Variants in LRRTM4 observed in about 807,000 individuals in gnomAD.
LRRTM4 encodes leucine-rich repeat transmembrane neuronal protein 4.
A neutral mutation model predicts 47.6 loss-of-function variants in LRRTM4; 25 were observed. The ratio of observed to expected loss-of-function variants is 0.53; its 90% confidence interval spans 0.38 to 0.73. The LOEUF is 0.73. Ranked by LOEUF, LRRTM4 falls within the 30% of genes least tolerant of loss-of-function variation. The probability of loss-of-function intolerance (pLI) is 0.00; values close to 1 mark genes in which losing one functional copy is unlikely to be tolerated. For synonymous variants in LRRTM4, 311 were observed against 269.5 expected (o/e 1.15, Z -1.51); for missense variants, 638 against 713.4 (o/e 0.89, Z 1.20).
intron 3 of LRRTM4, among the ~76,000 whole-genome samples, chr2:77,454,864 C>T (rs1169316565): frequency 2.0e-5 from 3 of 152,118 alleles, no homozygotes; most frequent in Non-Finnish European, 2.9e-5. Flanking sequence ...AATCTAAAAG[C>T]TGCCCCCCCT....
intron 3 of LRRTM4, among the ~76,000 whole-genome samples, chr2:76,893,881 A>G (rs930251423): frequency 1.3e-5 from 2 of 151,898 alleles, no homozygotes; most frequent in African/African-American, 4.8e-5. Flanking sequence ...TTATTTGTAC[A>G]TGTCTCATAT....
chr2:76,859,687 C>G (rs1459485468), intron 3 of LRRTM4, among the ~76,000 whole-genome samples: 1 of 151,980 alleles, frequency 6.6e-6, no homozygotes, highest in Non-Finnish European at 1.5e-5. Flanking sequence ...CTTGGAAAAC[C>G]AATGATAATT....
intron 3 of LRRTM4, among the ~76,000 whole-genome samples, chr2:76,797,879 A>T (rs1219365776): frequency 1.3e-5 from 2 of 151,842 alleles, no homozygotes; most frequent in African/African-American, 2.4e-5. Flanking sequence ...AGGCCATTAC[A>T]TGATGGTAAA....
intron 3 of LRRTM4, among the ~76,000 whole-genome samples, chr2:77,226,012 T>C (rs935518255): frequency 6.6e-6 from 1 of 151,866 alleles, no homozygotes; most frequent in Non-Finnish European, 1.5e-5. Flanking sequence ...GTACATGTTT[T>C]ATTTAATATT....
intron 3 of LRRTM4, among the ~76,000 whole-genome samples, chr2:76,953,522 A>G (rs1573362189): frequency 6.6e-6 from 1 of 152,004 alleles, no homozygotes; most frequent in East Asian, 2.0e-4. Context: ...AGAAGAGTAG[A>G]ACATACATCA....
At chr2:77,423,508 C>G (rs1674985017) in intron 3 of LRRTM4, among the ~76,000 whole-genome samples, 1 of 152,012 alleles carries the variant, frequency 6.6e-6, no homozygotes, top group Non-Finnish European at 1.5e-5. Flanking sequence ...AAGTTCAGGG[C>G]TAGTAGCATG....
intron 3 of LRRTM4, among the ~76,000 whole-genome samples, chr2:76,795,974 G>A (rs139362748): frequency 0.019 from 2,807 of 146,514 alleles, 106 homozygotes; most frequent in African/African-American, 0.063. Context: ...TGTGCGAGCC[G>A]AAGCAGGGCG....
At chr2:76,815,690 T>G (rs1236140584) in intron 3 of LRRTM4, among the ~76,000 whole-genome samples, 1 of 152,090 alleles carries the variant, frequency 6.6e-6, no homozygotes, top group Non-Finnish European at 1.5e-5. Context: ...CTGGGCAATA[T>G]CAGATTGCTT....
chr2:76,764,184 A>G (rs1673365856), intron 3 of LRRTM4, among the ~76,000 whole-genome samples: 1 of 152,228 alleles, frequency 6.6e-6, no homozygotes, highest in Admixed American at 6.5e-5. Context: ...ACATGAATTG[A>G]AGAAGAAATT....
intron 3 of LRRTM4, among the ~76,000 whole-genome samples, chr2:77,455,177 G>A (rs1676476273): frequency 6.6e-6 from 1 of 152,284 alleles, no homozygotes; most frequent in East Asian, 1.9e-4. Context: ...GACAGAGCAA[G>A]ACTCTGTCTC....
At chr2:77,462,334 G>A (rs566223751) in intron 3 of LRRTM4, among the ~76,000 whole-genome samples, 3 of 152,164 alleles carry the variant, frequency 2.0e-5, no homozygotes, top group East Asian at 3.9e-4. Context: ...TGTTGCTAAC[G>A]AAAGGCAATT....
At chr2:77,071,595 G>A (rs550481606) in intron 3 of LRRTM4, among the ~76,000 whole-genome samples, 2 of 152,060 alleles carry the variant, frequency 1.3e-5, no homozygotes, top group South Asian at 2.1e-4. Context: ...AAAGAGAAAC[G>A]GAGATTTATT....
rs576943092 is a variant in LRRTM4, at chr2:76,749,007, C to T, written c.1552-91G>A. On this transcript the variant is annotated intron_variant, in intron 3 of 3. Coordinates refer to ENST00000409884, the MANE Select transcript of LRRTM4 (RefSeq NM_001134745.3). ...ATCAGGTTGTATTTTTGTTCTCTTT[C>T]ATGCTGTTTCAAGTCATCAGCTACA... 80 of 1,003,168 alleles carry T rather than the reference C, an allele frequency of 8.0e-5. 1 individual carries two copies. In the African/African-American group the frequency reaches 1.2e-3, roughly 15 times the overall value. The allele number at this position is 1,003,168 out of a possible 1,614,324, so 62.1% of individuals were successfully genotyped here. A position where few individuals can be genotyped will look rare whatever the true frequency, so the allele number is the denominator to read the frequency against.
intron 3 of LRRTM4, among the ~76,000 whole-genome samples, chr2:76,942,990 A>G (rs78123651): frequency 0.058 from 8,889 of 152,152 alleles, 607 homozygotes; most frequent in African/African-American, 0.15. Flanking sequence ...TTCCCTTTCT[A>G]TACAAAAGAA....
chr2:77,016,811 G>A (rs537700001), intron 3 of LRRTM4, among the ~76,000 whole-genome samples: 4 of 151,784 alleles, frequency 2.6e-5, no homozygotes, highest in South Asian at 2.1e-4. Flanking sequence ...AACATTTGCC[G>A]CCTCTGGCTG....
At chr2:76,996,466 T>C (rs1195989899) in intron 3 of LRRTM4, among the ~76,000 whole-genome samples, 1 of 152,132 alleles carries the variant, frequency 6.6e-6, no homozygotes, top group East Asian at 1.9e-4. Context: ...TAAGCGAGGT[T>C]ACTTCTTTGA....
Position 77,090,047 on chromosome 2 carries a change from G to C in LRRTM4, c.1552-341131C>G, listed in dbSNP as rs150848645. Among the ~76,000 whole-genome samples, 533 of 151,990 alleles carry C rather than the reference G, an allele frequency of 3.5e-3. 5 individuals are homozygous for C. Among genetic ancestry groups the C allele is most frequent in the Middle Eastern group, 0.017 (5 of 294 alleles). ...TACAGACCCACCTGACCTCTCCCTT[G>C]CTCCCCAGGCTGCTCCTCGCCAGGC... On this transcript the variant is annotated intron_variant, in intron 3 of 3. Coordinates refer to ENST00000409884, the MANE Select transcript of LRRTM4 (RefSeq NM_001134745.3).
intron 3 of LRRTM4, among the ~76,000 whole-genome samples, chr2:77,036,294 T>C (rs539600739): frequency 6.6e-6 from 1 of 151,936 alleles, no homozygotes; most frequent in East Asian, 1.9e-4. Context: ...TCTGGCTTTA[T>C]CCACATTTCT....
chr2:76,884,212 T>C (rs1435143499), intron 3 of LRRTM4, among the ~76,000 whole-genome samples: 1 of 152,156 alleles, frequency 6.6e-6, no homozygotes, highest in Non-Finnish European at 1.5e-5. Flanking sequence ...TTTCACAAAA[T>C]CCTATGAAGG....
Sources: allele counts gnomAD v4.1 joint callset (sites outside exome capture counted in the v4.1 genomes callset), GRCh38; gene constraint gnomAD v4.1.1; transcripts MANE v1.5; gene names NCBI Gene and HGNC (gene_info 2026-07-23, HGNC 2026-07-21).